FAM174A: variants seen among roughly 807,000 people sequenced by gnomAD.
The protein encoded by FAM174A is family with sequence similarity 174 member A.
Under a neutral mutation model 14.3 loss-of-function variants are expected in FAM174A, and 14 were observed. The ratio of observed to expected loss-of-function variants is 0.98; its 90% confidence interval spans 0.65 to 1.53. The LOEUF (loss-of-function observed/expected upper bound fraction) is 1.53. Ranked by LOEUF, FAM174A falls within the 40% of genes most tolerant of loss-of-function variation. The pLI, the probability that FAM174A is intolerant of heterozygous loss-of-function variation, is 0.00. For missense variants in FAM174A, 241 were observed against 249.6 expected, an observed-to-expected ratio of 0.97 and a Z score of 0.23; for synonymous variants, 108 against 111.4, an observed-to-expected ratio of 0.97 and a Z score of 0.19.
chr5:100,557,276 G>A (rs1225729061), intron 1 of FAM174A, among the ~76,000 whole-genome samples: 1 of 152,062 alleles, frequency 6.6e-6, no homozygotes, highest in Non-Finnish European at 1.5e-5. Flanking sequence ...TTGCATCGCA[G>A]GGATGAAGCC....
intron 2 of FAM174A, among the ~76,000 whole-genome samples, chr5:100,569,539 A>C (rs1746732793): frequency 6.6e-6 from 1 of 151,936 alleles, no homozygotes; most frequent in Non-Finnish European, 1.5e-5. Context: ...ACTCTGTGCA[A>C]ATGTGTTTTT....
chr5:100,568,389 G>A (rs1169711222), intron 2 of FAM174A, among the ~76,000 whole-genome samples: 3 of 151,770 alleles, frequency 2.0e-5, no homozygotes, highest in African/African-American at 7.3e-5. Flanking sequence ...TGGGCACTAG[G>A]TAAACTCTTT....
intron 2 of FAM174A, among the ~76,000 whole-genome samples, chr5:100,571,512 T>G (rs535018539): frequency 6.0e-5 from 9 of 150,484 alleles, no homozygotes; most frequent in Admixed American, 3.3e-4. Flanking sequence ...TTCACATAAC[T>G]GCTTTTCCTT....
Position 100,535,592 on chromosome 5 carries a change from T to C in FAM174A, c.62T>C (p.Leu21Pro). 2 of 1,613,304 alleles carry C rather than the reference T, an allele frequency of 1.2e-6. No individual in the cohort carries two copies. Among genetic ancestry groups the C allele is most frequent in the East Asian group, 2.2e-5 (1 of 44,874 alleles). The part of the protein sequence containing the change: ...SHLLASVLLL[L>P]LLPELSGPLA... ...CTCTTGGCTTCCGTCCTCCTCCTGC[T>C]GTTGCTGCCTGAACTAAGCGGGCCC... The change falls in exon 1 of 3, where the codon CTG becomes CCG. Residue 21 changes from leucine to proline, a missense_variant. Leu to Pro is a moderately conservative substitution (Grantham distance 98). Transcript: ENST00000312637.
intron 2 of FAM174A, among the ~76,000 whole-genome samples, chr5:100,577,666 A>C (rs1179093902): frequency 6.6e-6 from 1 of 152,108 alleles, no homozygotes; most frequent in Non-Finnish European, 1.5e-5. Flanking sequence ...CACTAACCTT[A>C]GTCAAAGTAA....
At chr5:100,538,164 G>A (rs1745975684) in intron 1 of FAM174A, among the ~76,000 whole-genome samples, 1 of 152,112 alleles carries the variant, frequency 6.6e-6, no homozygotes, top group African/African-American at 2.4e-5. Context: ...TCTGGGCAGT[G>A]TTCCGAACTC....
intron 2 of FAM174A, among the ~76,000 whole-genome samples, chr5:100,570,112 T>A (rs1350113924): frequency 5.3e-5 from 8 of 151,958 alleles, no homozygotes; most frequent in Non-Finnish European, 8.8e-5. Flanking sequence ...ACATCTGTGC[T>A]ATTTTTTTCA....
intron 2 of FAM174A, among the ~76,000 whole-genome samples, chr5:100,563,527 C>T (rs1746573293): frequency 6.6e-6 from 1 of 151,758 alleles, no homozygotes; most frequent in African/African-American, 2.4e-5. Flanking sequence ...AGGAAATTGA[C>T]AGCCATAAAA....
chr5:100,540,119 A>T (rs756983239), intron 1 of FAM174A, among the ~76,000 whole-genome samples: 3 of 152,158 alleles, frequency 2.0e-5, no homozygotes, highest in Non-Finnish European at 4.4e-5. Flanking sequence ...TATGCATGTG[A>T]CTTTAATCAC....
chr5:100,569,357 CAT>C (rs1437068477), intron 2 of FAM174A, among the ~76,000 whole-genome samples: 1 of 149,162 alleles, frequency 6.7e-6, no homozygotes, highest in Non-Finnish European at 1.5e-5. Flanking sequence ...ACATATATGA[CAT>C]AGAGTTACAT....
At chr5:100,553,083 A>G (rs1746296787) in intron 1 of FAM174A, among the ~76,000 whole-genome samples, 2 of 152,088 alleles carry the variant, frequency 1.3e-5, no homozygotes. Flanking sequence ...TGTGTATAAT[A>G]TATATGTAAT....
intron 2 of FAM174A, among the ~76,000 whole-genome samples, chr5:100,582,839 G>C (rs1209787918): frequency 6.6e-6 from 1 of 152,082 alleles, no homozygotes; most frequent in East Asian, 1.9e-4. Context: ...ACAAATAACT[G>C]TATTTATAGG....
At chr5:100,576,117 A>G (rs980431285) in intron 2 of FAM174A, among the ~76,000 whole-genome samples, 3 of 152,220 alleles carry the variant, frequency 2.0e-5, no homozygotes, top group Non-Finnish European at 4.4e-5. Context: ...GTGGCCTTAA[A>G]TACATCAAAC....
At chr5:100,566,141 G>GATAGAGATATATATAT (rs558236562) in intron 2 of FAM174A, among the ~76,000 whole-genome samples, 1 of 81,810 alleles carries the variant, frequency 1.2e-5, no homozygotes, top group Non-Finnish European at 2.4e-5. Context: ...TGAAAAGTAT[G>GATAGAGATATATATAT]ATATATATAT....
At chr5:100,569,487 T>C (rs1446039881) in intron 2 of FAM174A, among the ~76,000 whole-genome samples, 1 of 151,782 alleles carries the variant, frequency 6.6e-6, no homozygotes, top group Non-Finnish European at 1.5e-5. Flanking sequence ...ATTTAGGTAG[T>C]TTTTAGTTGT....
At chr5:100,558,985 G>T (rs1293683535) in intron 1 of FAM174A, among the ~76,000 whole-genome samples, 2 of 152,136 alleles carry the variant, frequency 1.3e-5, no homozygotes, top group African/African-American at 4.8e-5. Context: ...TCATTATGAT[G>T]TTAGCTGGTT....
intron 1 of FAM174A, among the ~76,000 whole-genome samples, chr5:100,552,065 A>G (rs933311883): frequency 6.6e-6 from 1 of 152,172 alleles, no homozygotes; most frequent in Non-Finnish European, 1.5e-5. Context: ...GAAGAAGTGG[A>G]AGTGACAACT....
chr5:100,577,216 TAA>T (rs919659548), intron 2 of FAM174A, among the ~76,000 whole-genome samples: 58 of 152,160 alleles, frequency 3.8e-4, no homozygotes, highest in Middle Eastern at 3.4e-3. Context: ...TAAAAATAAT[TAA>T]GTTTTAAAAT....
chr5:100,550,701 A>C (rs1005374382), intron 1 of FAM174A, among the ~76,000 whole-genome samples: 1 of 152,170 alleles, frequency 6.6e-6, no homozygotes, highest in Non-Finnish European at 1.5e-5. Context: ...GTGGAAGCCA[A>C]TAGTAGAGGT....
Sources: allele counts gnomAD v4.1 joint callset (sites outside exome capture counted in the v4.1 genomes callset), GRCh38; gene constraint gnomAD v4.1.1; transcripts MANE v1.5; gene names NCBI Gene and HGNC (gene_info 2026-07-23, HGNC 2026-07-21).